ORC5: variants seen among roughly 807,000 people sequenced by gnomAD.
ORC5 encodes protein phosphatase 1, regulatory subunit 117.
Under a neutral mutation model 58.8 loss-of-function variants are expected in ORC5, and 39 were observed. The observed-to-expected ratio is 0.66, with a 90% CI of 0.51 to 0.87. The LOEUF (loss-of-function observed/expected upper bound fraction) is 0.87, where lower values mean the gene tolerates loss of function less well. Ranked by LOEUF, ORC5 falls within the 40% of genes least tolerant of loss-of-function variation. The pLI is 0.00. For missense variants in ORC5, 493 were observed against 506.3 expected, an observed-to-expected ratio of 0.97 and a Z score of 0.25; for synonymous variants, 218 against 177.6, an observed-to-expected ratio of 1.23 and a Z score of -1.81.
chr7:104,174,836 A>T (rs1562818756), intron 8 of ORC5, among the ~76,000 whole-genome samples: 1 of 152,174 alleles, frequency 6.6e-6, no homozygotes, highest in Non-Finnish European at 1.5e-5. Context: ...ACCTCCAGTG[A>T]GCATGTGTAC....
At chr7:104,127,376 CTGTG>C (rs909085368) in intron 13 of ORC5, among the ~76,000 whole-genome samples, 2 of 152,068 alleles carry the variant, frequency 1.3e-5, no homozygotes, top group African/African-American at 4.8e-5. Flanking sequence ...GCTGGCTGAC[CTGTG>C]TGTGTATTGT....
intron 12 of ORC5, among the ~76,000 whole-genome samples, chr7:104,157,824 T>C (rs1798952004): frequency 6.6e-6 from 1 of 152,082 alleles, no homozygotes; most frequent in African/African-American, 2.4e-5. Context: ...ATGCTACTAT[T>C]ACAATCACAA....
chr7:104,195,206 T>C lies in ORC5; in HGVS notation c.490A>G (p.Lys164Glu). 2 of 1,574,438 alleles carry C rather than the reference T, an allele frequency of 1.3e-6. No homozygotes were observed. Among genetic ancestry groups the C allele is most frequent in the Non-Finnish European group, 1.7e-6 (2 of 1,165,774 alleles). Residue 164 changes from lysine to glutamate, a missense_variant, in exon 5 of 14, where the codon AAG becomes GAG. Lys to Glu is a moderately conservative substitution (Grantham distance 56). Transcript: ENST00000297431. ...VLFLSEIVWE[K>E]FRPNTGCFEP... ...AAGCATCCAGTATTTGGACGAAACT[T>C]TTCCCAAACAATTTCACTGAGAAAG...
chr7:104,193,213 T>C (rs1328218194), intron 5 of ORC5, among the ~76,000 whole-genome samples: 1 of 152,082 alleles, frequency 6.6e-6, no homozygotes. Flanking sequence ...TAATATTTAA[T>C]ATCTGAGGTT....
intron 3 of ORC5, 55 bp downstream of exon 3, chr7:104,200,703 A>G (rs1359604777): frequency 9.1e-7 from 1 of 1,092,938 alleles, no homozygotes; most frequent in Non-Finnish European, 1.4e-6. Context: ...AAATTGATCT[A>G]ATAAATTATC....
intron 13 of ORC5, among the ~76,000 whole-genome samples, chr7:104,131,816 C>T (rs532998547): frequency 1.0e-3 from 154 of 149,726 alleles, no homozygotes; most frequent in African/African-American, 3.7e-3. Flanking sequence ...CGTGCCACTG[C>T]ACTCCAGCCT....
chr7:104,180,765 T>C (rs1799416330), intron 8 of ORC5, among the ~76,000 whole-genome samples: 1 of 152,212 alleles, frequency 6.6e-6, no homozygotes. Context: ...ATGTGTTTAA[T>C]ATCAGTGTAA....
Position 104,208,003 on chromosome 7 carries a change from A to C in ORC5, c.-99T>G. 2 of 1,166,722 alleles carry C rather than the reference A, an allele frequency of 1.7e-6. No homozygotes were observed. Among genetic ancestry groups the C allele is most frequent in the South Asian group, 2.6e-5 (2 of 78,012 alleles). The allele number at this position is 1,166,722 out of a possible 1,614,324, so 72.3% of individuals were successfully genotyped here. On this transcript the variant is annotated 5_prime_UTR_variant, in exon 1 of 14. Coordinates refer to ENST00000297431, the MANE Select transcript of ORC5 (RefSeq NM_002553.4). ...GTCTGGCGGCCCACGCTCCCGCCGG[A>C]AACCGGACCCGCAGCGTCGTGGGAG...
At chr7:104,204,902 T>C (rs1454911877) in intron 1 of ORC5, among the ~76,000 whole-genome samples, 1 of 152,144 alleles carries the variant, frequency 6.6e-6, no homozygotes, top group Non-Finnish European at 1.5e-5. Context: ...CTGGTCTAGT[T>C]AATACTACAA....
At chr7:104,161,703 C>T (rs1799026835) in intron 11 of ORC5, among the ~76,000 whole-genome samples, 1 of 152,266 alleles carries the variant, frequency 6.6e-6, no homozygotes, top group South Asian at 2.1e-4. Flanking sequence ...CATGATTTAT[C>T]TTTTAACATA....
Position 104,133,808 on chromosome 7 carries a change from G to C in ORC5, c.1262+2973C>G, listed in dbSNP as rs943564632. Among the ~76,000 whole-genome samples the C allele has an allele frequency of 6.6e-6, 1 of 152,132 alleles. No homozygotes were observed. Among genetic ancestry groups the C allele is most frequent in the African/African-American group, 2.4e-5 (1 of 41,402 alleles). ...AACCAAAGAATAAAGAGGAAAACCA[G>C]AATACTGTGGAATCATGTCTAAGAG... On this transcript the variant is annotated intron_variant, in intron 13 of 13. Coordinates refer to ENST00000297431, the MANE Select transcript of ORC5 (RefSeq NM_002553.4). The surrounding 1 kb of genome is among the most constrained non-coding windows in gnomAD (Gnocchi z 4.7).
intron 12 of ORC5, among the ~76,000 whole-genome samples, chr7:104,140,881 A>G (rs1428699753): frequency 6.6e-6 from 1 of 152,182 alleles, no homozygotes; most frequent in African/African-American, 2.4e-5. Flanking sequence ...AATATTTACT[A>G]TGTATCCCTT....
chr7:104,168,586 T>C, intron 8 of ORC5, 61 bp from the exon 9 acceptor site: 1 of 1,087,518 alleles, frequency 9.2e-7, no homozygotes, highest in South Asian at 1.8e-5. Context: ...ATGGTGTACT[T>C]AAAACAGAGC....
Position 104,161,141 on chromosome 7 carries a change from G to A in ORC5, c.1080C>T (p.Asp360=), listed in dbSNP as rs745985527. The change falls in exon 12 of 14, where the codon GAC becomes GAT. Residue 360 remains aspartate (D), a synonymous_variant. Transcript: ENST00000297431. ...HLLGPKPFPL[D]RLLAILYSIV... ...TACTATATAATATTGCTAATAATCT[G>A]TCTAGTGGAAATGGTTTTGGCCCAA... 1.2e-6 allele frequency: 2 copies of A among 1,610,472 alleles called. No individual in the cohort carries two copies. Among genetic ancestry groups the A allele is most frequent in the Non-Finnish European group, 8.5e-7 (1 of 1,177,120 alleles).
intron 1 of ORC5, among the ~76,000 whole-genome samples, chr7:104,207,008 C>T (rs1800103875): frequency 6.6e-6 from 1 of 152,088 alleles, no homozygotes; most frequent in Non-Finnish European, 1.5e-5. Context: ...CAGGACGTAT[C>T]CCCCTCACTA....
intron 8 of ORC5, among the ~76,000 whole-genome samples, chr7:104,183,333 G>A (rs1019301925): frequency 3.3e-5 from 5 of 152,010 alleles, no homozygotes; most frequent in Admixed American, 6.5e-5. Flanking sequence ...CACTCCCTTC[G>A]ACATGTGAAC....
At chr7:104,154,426 T>C (rs920157392) in intron 12 of ORC5, among the ~76,000 whole-genome samples, 1 of 152,036 alleles carries the variant, frequency 6.6e-6, no homozygotes, top group Non-Finnish European at 1.5e-5. Context: ...TAAGTACTTA[T>C]TAGTATTCAC....
intron 12 of ORC5, among the ~76,000 whole-genome samples, chr7:104,142,299 T>C (rs749806722): frequency 1.3e-5 from 2 of 152,116 alleles, no homozygotes; most frequent in Non-Finnish European, 2.9e-5. Flanking sequence ...AAAGTAAACG[T>C]AGGGAAAAAA....
At chr7:104,155,803 G>C (rs565202203) in intron 12 of ORC5, among the ~76,000 whole-genome samples, 1 of 151,500 alleles carries the variant, frequency 6.6e-6, no homozygotes, top group South Asian at 2.1e-4. Flanking sequence ...ATTTGGGTAG[G>C]GGAGGTAAGA....
Sources: allele counts gnomAD v4.1 joint callset (sites outside exome capture counted in the v4.1 genomes callset), GRCh38; gene constraint gnomAD v4.1.1; non-coding constraint Gnocchi (gnomAD v3.1); transcripts MANE v1.5; gene names NCBI Gene and HGNC (gene_info 2026-07-23, HGNC 2026-07-21).